Variants in WDFY4 observed in about 807,000 individuals in gnomAD.
The protein encoded by WDFY4 is WD repeat- and FYVE domain-containing protein 4.
A neutral mutation model predicts 351.9 loss-of-function variants in WDFY4; 169 were observed. The observed-to-expected ratio is 0.48, with a 90% confidence interval of 0.42 to 0.55. The LOEUF is 0.55. Among genes scored for constraint, WDFY4 ranks in the 20% least tolerant of loss-of-function variants. The pLI, the probability that WDFY4 is intolerant of heterozygous loss-of-function variation, is 0.00. For missense variants in WDFY4, 3,803 were observed against 3,935.6 expected (o/e 0.97, Z 0.90); for synonymous variants, 1,622 against 1,574.6 (o/e 1.03, Z -0.71).
intron 10 of WDFY4, among the ~76,000 whole-genome samples, 158 bp downstream of exon 10, chr10:48,734,193 T>C (rs2064566153): frequency 6.6e-6 from 1 of 152,208 alleles, no homozygotes; most frequent in South Asian, 2.1e-4. Flanking sequence ...TCAGTGATCA[T>C]CAGTAAATTC....
chr10:48,820,152 C>A, intron 32 of WDFY4, 82 bp from the exon 33 acceptor site: 1 of 1,425,984 alleles, frequency 7.0e-7, no homozygotes, highest in Non-Finnish European at 9.6e-7. Flanking sequence ...GACAATAATC[C>A]GCCCATGTAC....
chr10:48,918,746 G>T (rs890077581), intron 47 of WDFY4, among the ~76,000 whole-genome samples: 2 of 132,510 alleles, frequency 1.5e-5, no homozygotes, highest in Non-Finnish European at 3.5e-5. Flanking sequence ...TTTGTTGTCA[G>T]CAGGGGGTAG....
chr10:48,731,547 A>T lies in WDFY4; in HGVS notation c.1567A>T (p.Ile523Phe). The T allele has an allele frequency of 6.4e-7, 1 of 1,550,774 alleles. No homozygotes were observed. The highest frequency in any genetic ancestry group is 8.7e-7 in the Non-Finnish European group (1 of 1,146,798). The change falls in exon 9 of 62, where the codon ATC becomes TTC. Residue 523 changes from isoleucine (I) to phenylalanine (F), a missense_variant. Around this residue, in one of 3 missense-constraint regions of WDFY4, gnomAD observed 261 missense variants for 330.2 expected, o/e 0.79. Transcript: ENST00000325239. ...LLAQLRKQAK[I>F]MRKSGNKVST... is the part of the protein sequence containing the mutation. The stretch of plus-strand genomic sequence containing the variant: ...GGCACAGCTTCGGAAGCAAGCCAAG[A>T]TCATGAGGAAGTCAGGTGCCACTGG...
chr10:48,879,022 A>G (rs2070141612), intron 43 of WDFY4, among the ~76,000 whole-genome samples: 1 of 152,266 alleles, frequency 6.6e-6, no homozygotes, highest in African/African-American at 2.4e-5. Flanking sequence ...TATTCATAAT[A>G]TCCAGTTGCT....
At chr10:48,870,412 C>A (rs949500052) in intron 40 of WDFY4, among the ~76,000 whole-genome samples, 2 of 152,092 alleles carry the variant, frequency 1.3e-5, no homozygotes, top group Admixed American at 6.5e-5. Context: ...TATAGTGGCA[C>A]CTTTAGTTCT....
In WDFY4 at chr10:48,814,080, C is replaced by T; in HGVS notation, c.5338C>T (p.Gln1780Ter). Residue 1780 changes from glutamine to a stop codon, truncating the protein, a stop_gained and splice_region_variant, in exon 31 of 62, where the codon CAG becomes TAG. Coordinates refer to ENST00000325239, the MANE Select transcript of WDFY4 (RefSeq NM_001394531.1). LOFTEE classifies it high-confidence loss of function. The part of the protein sequence containing the change: ...LLEMLKATMS[Q>*]PLAGSEDGAW... ...GGAAATGCTGAAGGCCACCATGAGC[C>T]AGGTGAGACCCATTCCCCACATGCT... 6.5e-7 allele frequency: 1 copy of T among 1,544,310 alleles called. No homozygotes were observed. The highest frequency in any genetic ancestry group is 8.8e-7 in the Non-Finnish European group (1 of 1,142,400).
chr10:48,716,792 G>A (rs549201202), intron 2 of WDFY4, among the ~76,000 whole-genome samples: 18 of 152,218 alleles, frequency 1.2e-4, no homozygotes, highest in Non-Finnish European at 2.6e-4. Flanking sequence ...TGGTCTTTGA[G>A]GGGTTTGTCA....
intron 23 of WDFY4, among the ~76,000 whole-genome samples, chr10:48,792,747 T>G (rs2066724738): frequency 6.6e-6 from 1 of 152,150 alleles, no homozygotes; most frequent in Non-Finnish European, 1.5e-5. Context: ...TGTCCAAGAT[T>G]CACATCAAGA....
intron 47 of WDFY4, among the ~76,000 whole-genome samples, chr10:48,939,290 G>T (rs1289139286): frequency 2.0e-5 from 3 of 152,244 alleles, no homozygotes; most frequent in African/African-American, 7.2e-5. Flanking sequence ...CGCCTGTTGA[G>T]TAGCTCCGTG....
At chr10:48,703,873 G>A (rs984268536) in intron 1 of WDFY4, among the ~76,000 whole-genome samples, 3 of 152,184 alleles carry the variant, frequency 2.0e-5, no homozygotes, top group Non-Finnish European at 2.9e-5. Flanking sequence ...ATGATGCTAT[G>A]TATCCCTGCA....
At chr10:48,829,022 T>C (rs2068101733) in intron 37 of WDFY4, 126 bp downstream of exon 37, 2 of 605,554 alleles carry the variant, frequency 3.3e-6, no homozygotes, top group South Asian at 4.4e-5. Context: ...AAGCAGATAC[T>C]ATTAAGGACA....
chr10:48,774,686 C>A lies in WDFY4; in HGVS notation c.2768+14C>A. ...GGATGTGCTAAGGTACCACATGCTG[C>A]ATATTCAGTGCCGCCAAGCTGGGCA... On this transcript the variant is annotated intron_variant, in intron 14 of 61. Coordinates refer to ENST00000325239, the MANE Select transcript of WDFY4 (RefSeq NM_001394531.1). The A allele has an allele frequency of 6.4e-7, 1 of 1,551,514 alleles. No homozygotes were observed. The highest frequency in any genetic ancestry group is 8.7e-7 in the Non-Finnish European group (1 of 1,146,870).
rs930215996 is a variant in WDFY4 at position 48,821,253 on chromosome 10, A to G, written c.5824+77A>G. 46 of 1,185,758 alleles carry G rather than the reference A, an allele frequency of 3.9e-5. No individual in the cohort carries two copies. The African/African-American group carries it at 6.4e-4, about 16-fold the overall frequency. The allele number at this position is 1,185,758 out of a possible 1,614,324, so 73.5% of individuals were successfully genotyped here. On this transcript the variant is annotated intron_variant, in intron 34 of 61. Transcript: ENST00000325239. Reference sequence around the variant, plus strand: ...TGGAGAGGAAACCAGCATGCTGGCCAGGAACTGACCCTAGCTGTGGGATGC... The same window carrying G: ...TGGAGAGGAAACCAGCATGCTGGCCGGGAACTGACCCTAGCTGTGGGATGC...
rs143823445 is a variant in WDFY4, at chr10:48,915,884, G to A, written c.7586+14021G>A. On this transcript the variant is annotated intron_variant, in intron 47 of 61. Transcript: ENST00000325239. ...TAAAAATAGTGGACTCCCCATTTTC[G>A]GGCATAATTGGCTGGTTTCCAGAGC... is the stretch of plus-strand genomic sequence containing the variant. Among the ~76,000 whole-genome samples the A allele has an allele frequency of 5.6e-3, 846 of 152,204 alleles. 9 individuals are homozygous for A. The highest frequency in any genetic ancestry group is 0.019 in the African/African-American group (785 of 41,534).
chr10:48,959,838 A>G (rs1841777991), intron 53 of WDFY4, 25 bp downstream of exon 53: 2 of 1,534,700 alleles, frequency 1.3e-6, no homozygotes, highest in Non-Finnish European at 1.8e-6. Context: ...GACCCCTGGT[A>G]TCCTGCTGGG....
chr10:48,685,589 T>C (rs980176221), intron 1 of WDFY4, among the ~76,000 whole-genome samples: 2 of 152,146 alleles, frequency 1.3e-5, no homozygotes, highest in Non-Finnish European at 1.5e-5. Context: ...CAGCAAACCA[T>C]TGAAACGCCT....
chr10:48,792,342 C>G (rs542283510), intron 23 of WDFY4, among the ~76,000 whole-genome samples: 1 of 152,178 alleles, frequency 6.6e-6, no homozygotes, highest in African/African-American at 2.4e-5. Flanking sequence ...TAATTGCTCT[C>G]GCACCCACAC....
At chr10:48,938,295 T>G (rs1310565531) in intron 47 of WDFY4, among the ~76,000 whole-genome samples, 2 of 152,254 alleles carry the variant, frequency 1.3e-5, no homozygotes, top group African/African-American at 2.4e-5. Context: ...TCTGTAGTTG[T>G]CTGCCATATT....
In WDFY4 at chr10:48,946,983, ACT is replaced by A. The variant is rs901239339; in HGVS notation, c.7977+19_7977+20del. 4.1e-6 allele frequency: 6 copies of A among 1,465,966 alleles called. No individual in the cohort carries two copies. The African/African-American group carries it at 9.4e-5, about 23-fold the overall frequency. 90.8% of individuals were successfully genotyped at this position (1,465,966 alleles called of 1,614,324 possible). On this transcript the variant is annotated intron_variant, in intron 51 of 61. Coordinates refer to ENST00000325239, the MANE Select transcript of WDFY4 (RefSeq NM_001394531.1). ...TGCGCTCTGCAGGTGAGCTGCTGCCACTCTCTGTACACACACACACACACACA... is the reference window on the plus strand; with the variant it reads ...TGCGCTCTGCAGGTGAGCTGCTGCCACTCTGTACACACACACACACACACA...
Sources: gnomAD v4.1 joint callset for allele counts (sites outside exome capture counted in the v4.1 genomes callset) on GRCh38, gnomAD v4.1.1 for gene constraint, gnomAD v4.1.1 regional missense constraint, MANE v1.5 for transcripts, NCBI Gene and HGNC (gene_info 2026-07-23, HGNC 2026-07-21) for gene names.